The following PEX5L variants were observed in gnomAD, a reference collection of about 807,000 sequenced individuals.
PEX5L encodes the protein peroxisomal biogenesis factor 5 like.
In PEX5L, 30 loss-of-function variants were observed where a neutral mutation model predicts 84.0. The observed-to-expected ratio is 0.36, with a 90% confidence interval of 0.27 to 0.48. The LOEUF (loss-of-function observed/expected upper bound fraction) is 0.48, where lower values mean the gene tolerates loss of function less well. Ranked by LOEUF, PEX5L falls within the 20% of genes least tolerant of loss-of-function variation. PEX5L has a pLI of 0.99. For synonymous variants in PEX5L, 270 were observed against 283.1 expected (o/e 0.95, Z 0.46); for missense variants, 533 against 754.6 (o/e 0.71, Z 3.44).
intron 8 of PEX5L, among the ~76,000 whole-genome samples, chr3:179,823,497 T>C (rs1729269971): frequency 6.6e-6 from 1 of 152,210 alleles, no homozygotes; most frequent in Non-Finnish European, 1.5e-5. Flanking sequence ...GGGATGAGGT[T>C]ATTAGTAATT....
intron 1 of PEX5L, chr3:179,974,246 C>T (rs1274327729): frequency 1.0e-6 from 1 of 963,216 alleles, no homozygotes; most frequent in Non-Finnish European, 1.2e-6. Flanking sequence ...GCTAATCTCT[C>T]CACCTTCCAA....
intron 3 of PEX5L, among the ~76,000 whole-genome samples, chr3:179,894,663 T>G (rs1208929239): frequency 6.6e-6 from 1 of 152,142 alleles, no homozygotes; most frequent in Non-Finnish European, 1.5e-5. Flanking sequence ...CTTGAAAATA[T>G]TCTTCCAATC....
intron 1 of PEX5L, among the ~76,000 whole-genome samples, chr3:179,991,144 T>C (rs1440147992): frequency 6.6e-6 from 1 of 152,190 alleles, no homozygotes; most frequent in Non-Finnish European, 1.5e-5. Context: ...TCCACGGAGA[T>C]AGCACCAAAC....
intron 4 of PEX5L, among the ~76,000 whole-genome samples, chr3:179,886,370 C>G (rs1345785836): frequency 6.6e-6 from 1 of 152,106 alleles, no homozygotes; most frequent in Admixed American, 6.6e-5. Flanking sequence ...AAAGTGAGAG[C>G]TGAATTTAGA....
Position 179,808,306 on chromosome 3 carries a change from T to C in PEX5L, c.1484A>G (p.Asp495Gly). 1 of 1,602,058 alleles carries C rather than the reference T, an allele frequency of 6.2e-7. No homozygotes were observed. The highest frequency in any genetic ancestry group is 8.5e-7 in the Non-Finnish European group (1 of 1,175,092). ...HLSGEFNRAI[D>G]AFNAALTVRP... ...AACAGTTAAGGCAGCGTTAAATGCA[T>C]CTATTGCTCTATTAAATTCTCCACT... The change falls in exon 13 of 15, where the codon GAT becomes GGT. Residue 495 changes from aspartate to glycine, a missense_variant. Coordinates refer to ENST00000467460, the MANE Select transcript of PEX5L (RefSeq NM_016559.3).
chr3:179,924,381 A>G (rs75087339), intron 2 of PEX5L, among the ~76,000 whole-genome samples: 285 of 152,268 alleles, frequency 1.9e-3, no homozygotes, highest in African/African-American at 6.5e-3. Flanking sequence ...CCTCTCTCCT[A>G]TCATCAATGT....
At chr3:179,942,884 G>A (rs1241892933) in intron 2 of PEX5L, among the ~76,000 whole-genome samples, 2 of 152,166 alleles carry the variant, frequency 1.3e-5, no homozygotes, top group African/African-American at 4.8e-5. Context: ...TGGAAAGGCC[G>A]TATTACTTTG....
At chr3:179,970,689 C>T (rs1784495379) in intron 2 of PEX5L, among the ~76,000 whole-genome samples, 1 of 152,094 alleles carries the variant, frequency 6.6e-6, no homozygotes, top group Admixed American at 6.6e-5. Context: ...ATATGTACAA[C>T]AGCTCCCTGA....
At chr3:179,805,005 G>A (rs868130383) in intron 14 of PEX5L, among the ~76,000 whole-genome samples, 1 of 151,762 alleles carries the variant, frequency 6.6e-6, no homozygotes, top group Non-Finnish European at 1.5e-5. Context: ...TGTAATCCCC[G>A]CTATTCTGGA....
At chr3:179,934,675 T>C (rs1054012579) in intron 2 of PEX5L, among the ~76,000 whole-genome samples, 4 of 152,190 alleles carry the variant, frequency 2.6e-5, no homozygotes, top group Admixed American at 2.0e-4. Flanking sequence ...CCAGAAAATA[T>C]TATTATGAAT....
chr3:179,928,531 G>T (rs1193954380), intron 2 of PEX5L, among the ~76,000 whole-genome samples: 1 of 152,180 alleles, frequency 6.6e-6, no homozygotes, highest in African/African-American at 2.4e-5. Context: ...ACAACAAATG[G>T]TGGGTAGGCA....
At chr3:179,838,680 G>C (rs1735916904) in intron 8 of PEX5L, among the ~76,000 whole-genome samples, 3 of 152,164 alleles carry the variant, frequency 2.0e-5, no homozygotes, top group Admixed American at 2.0e-4. Context: ...AAGTAAGATA[G>C]AAAATGTGTG....
intron 1 of PEX5L, among the ~76,000 whole-genome samples, chr3:180,023,052 C>T (rs990210101): frequency 3.3e-5 from 5 of 152,120 alleles, no homozygotes; most frequent in South Asian, 2.1e-4. Flanking sequence ...CATTTTGCAG[C>T]GGCTGAGGTA....
rs142214273 is a variant in PEX5L, at chr3:179,808,302, T to C, written c.1488A>G (p.Ala496=). Residue 496 remains alanine (A), a synonymous_variant, in exon 13 of 15, where the codon GCA becomes GCG. Transcript: ENST00000467460. ...LSGEFNRAID[A]FNAALTVRPE... ...GCCGAACAGTTAAGGCAGCGTTAAATGCATCTATTGCTCTATTAAATTCTC... is the reference window on the plus strand; with the variant it reads ...GCCGAACAGTTAAGGCAGCGTTAAACGCATCTATTGCTCTATTAAATTCTC... The C allele has an allele frequency of 3.4e-4, 546 of 1,600,494 alleles. 1 individual carries two copies. In the African/African-American group the frequency reaches 6.8e-3, roughly 20 times the overall value.
At position 179,825,478 on chromosome 3, in the gene PEX5L, G is replaced by T. The variant is rs565158739; in HGVS notation, c.823-5502C>A. Among the ~76,000 whole-genome samples the T allele has an allele frequency of 4.1e-3, 629 of 152,236 alleles. 2 individuals are homozygous for T. Among genetic ancestry groups the T allele is most frequent in the Non-Finnish European group, 6.6e-3 (446 of 68,018 alleles). On this transcript the variant is annotated intron_variant, in intron 8 of 14. Coordinates refer to ENST00000467460, the MANE Select transcript of PEX5L (RefSeq NM_016559.3). ...CTGGTTGCAATGTTATTAATGAATT[G>T]ATTTACTGAGCCAAACGGGAAGGCT... is the stretch of plus-strand genomic sequence containing the variant.
intron 2 of PEX5L, among the ~76,000 whole-genome samples, chr3:179,931,507 A>G (rs1773104461): frequency 6.6e-6 from 1 of 152,216 alleles, no homozygotes. Context: ...TGATAGAACC[A>G]CATTGGAAAG....
intron 3 of PEX5L, chr3:179,888,030 C>T (rs528021255): frequency 3.4e-6 from 3 of 874,662 alleles, no homozygotes; most frequent in Admixed American, 4.3e-5. Context: ...TTTCCTCCCC[C>T]CTCCTGAAAT....
chr3:179,859,149 C>T lies in PEX5L; in HGVS notation c.735G>A (p.Leu245=). 1.2e-6 allele frequency: 2 copies of T among 1,612,246 alleles called. No individual in the cohort carries two copies. Among genetic ancestry groups the T allele is most frequent in the Non-Finnish European group, 1.7e-6 (2 of 1,178,292 alleles). ...LELVAPTQAR[L]TKEHRWGSAL... ...CGCTTCCCCAGCGATGTTCTTTGGT[C>T]AGTCGAGCCTGAAATCAATCATACA... The change falls in exon 8 of 15, where the codon CTG becomes CTA. Residue 245 remains leucine (L), a synonymous_variant. Transcript: ENST00000467460.
Position 179,797,340 on chromosome 3 carries a change from T to TAA in PEX5L, c.*4486_*4487dup, listed in dbSNP as rs1193661252. 1 of 152,080 alleles carries TAA rather than the reference T, an allele frequency of 6.6e-6. No individual in the cohort carries two copies. The highest frequency in any genetic ancestry group is 2.4e-5 in the African/African-American group (1 of 41,430). The allele number at this position is 152,080 out of a possible 1,614,324, so 9.4% of individuals were successfully genotyped here. A position where few individuals can be genotyped will look rare whatever the true frequency, so the allele number is the denominator to read the frequency against. On this transcript the variant is annotated 3_prime_UTR_variant, in exon 15 of 15. Coordinates refer to ENST00000467460, the MANE Select transcript of PEX5L (RefSeq NM_016559.3). ...ATAAGAAAAGCAAATAGAAAAACTGTAACACAAAGTTCATAAAAATGCTCC... is the reference window on the plus strand; with the variant it reads ...ATAAGAAAAGCAAATAGAAAAACTGTAAAACACAAAGTTCATAAAAATGCTCC...
Sources: gnomAD v4.1 joint callset for allele counts (sites outside exome capture counted in the v4.1 genomes callset) on GRCh38, gnomAD v4.1.1 for gene constraint, MANE v1.5 for transcripts, NCBI Gene and HGNC (gene_info 2026-07-23, HGNC 2026-07-21) for gene names.